CRYBG1: variants seen among roughly 807,000 people sequenced by gnomAD.
CRYBG1 encodes beta/gamma crystallin domain-containing protein 1.
In CRYBG1, 139 loss-of-function variants were observed where a neutral mutation model predicts 189.2. That is an observed-to-expected ratio of 0.73 (90% confidence interval 0.64 to 0.85). The LOEUF (loss-of-function observed/expected upper bound fraction) is 0.85, where lower values mean the gene tolerates loss of function less well. CRYBG1 is among the 40% of genes least tolerant of loss of function. CRYBG1 has a pLI of 0.00. For synonymous variants in CRYBG1, 1,023 were observed against 1,017.1 expected (o/e 1.01, Z -0.11); for missense variants, 2,611 against 2,675.8 (o/e 0.98, Z 0.53).
At chr6:106,544,762 G>T (rs749010542) in intron 12 of CRYBG1, 26 bp from the exon 13 acceptor site, 2 of 1,602,574 alleles carry the variant, frequency 1.2e-6, no homozygotes, top group Non-Finnish European at 1.7e-6. Flanking sequence ...GCTAGCCTTT[G>T]AATTTTGAAT....
chr6:106,554,224 A>G (rs911050417), intron 16 of CRYBG1, among the ~76,000 whole-genome samples: 1 of 152,224 alleles, frequency 6.6e-6, no homozygotes, highest in African/African-American at 2.4e-5. Context: ...TAATAGTAGT[A>G]ATAGTGCCTT....
chr6:106,436,435 A>C (rs1161896293), intron 1 of CRYBG1, among the ~76,000 whole-genome samples: 1 of 151,976 alleles, frequency 6.6e-6, no homozygotes, highest in African/African-American at 2.4e-5. Context: ...AGTTGCTGGG[A>C]CTACAGGCGC....
intron 1 of CRYBG1, among the ~76,000 whole-genome samples, chr6:106,387,518 C>T (rs1168448942): frequency 6.6e-6 from 1 of 152,134 alleles, no homozygotes; most frequent in Non-Finnish European, 1.5e-5. Context: ...CTTTTTTGCT[C>T]AACAGGTACT....
intron 8 of CRYBG1, among the ~76,000 whole-genome samples, chr6:106,538,128 G>A (rs956600011): frequency 6.6e-6 from 1 of 150,834 alleles, no homozygotes; most frequent in Non-Finnish European, 1.5e-5. Flanking sequence ...CCGAATTGAT[G>A]AGTGTAAGTG....
chr6:106,530,322 A>ATT lies in CRYBG1; in HGVS notation c.4718+15_4718+16dup, dbSNP rs746875283. 30 of 1,576,916 alleles carry ATT rather than the reference A, an allele frequency of 1.9e-5. No homozygotes were observed. In the African/African-American group the frequency reaches 3.7e-4, roughly 19 times the overall value. ...TGAAAGTACATTGGGGCACGTAAGT[A>ATT]TTTTTTTTTCAAACAAATTTTAATG... On this transcript the variant is annotated splice_region_variant and intron_variant, in intron 8 of 21. Coordinates refer to ENST00000633556, the MANE Select transcript of CRYBG1 (RefSeq NM_001371242.2).
rs143824359 is a variant in CRYBG1 at position 106,543,522 on chromosome 6, G to A, written c.4964G>A (p.Gly1655Asp). The A allele has an allele frequency of 4.2e-5, 68 of 1,614,100 alleles. No individual in the cohort carries two copies. The East Asian group carries it at 1.5e-3, about 35-fold the overall frequency. The change falls in exon 11 of 22, where the codon GGT (glycine) becomes GAT (aspartate). Residue 1655 changes from glycine (G) to aspartate (D), a missense_variant. Physicochemically the swap from Gly to Asp is moderately conservative, Grantham distance 94. This residue lies in a region of CRYBG1 where 1,622 missense variants were observed against 1,735.0 expected (regional missense o/e 0.93). Transcript: ENST00000633556. Reference protein sequence around the residue: ...TGMCSFVMEGGETEEATGDDH... With the variant: ...TGMCSFVMEGDETEEATGDDH... ...ATGTGTAGTTTTGTCATGGAGGGAG[G>A]TGAAACAGAAGAGGCGACTGGAGAC...
At chr6:106,378,717 C>T (rs1429606679) in intron 1 of CRYBG1, among the ~76,000 whole-genome samples, 1 of 152,202 alleles carries the variant, frequency 6.6e-6, no homozygotes, top group East Asian at 1.9e-4. Context: ...TCCACTGTAG[C>T]TCCACAAGTA....
At chr6:106,502,372 A>G (rs1773029749) in intron 2 of CRYBG1, among the ~76,000 whole-genome samples, 2 of 152,230 alleles carry the variant, frequency 1.3e-5, no homozygotes, top group Admixed American at 1.3e-4. Flanking sequence ...TGACTTCACA[A>G]GGAACACATT....
chr6:106,369,143 C>T (rs2114296419), intron 1 of CRYBG1, among the ~76,000 whole-genome samples: 1 of 152,282 alleles, frequency 6.6e-6, no homozygotes, highest in Non-Finnish European at 1.5e-5. Flanking sequence ...ACCAGGAGGC[C>T]CAAGGACATA....
chr6:106,384,157 G>A (rs890108792), intron 1 of CRYBG1, among the ~76,000 whole-genome samples: 5 of 152,100 alleles, frequency 3.3e-5, no homozygotes, highest in African/African-American at 1.2e-4. Context: ...ATGGAAAATA[G>A]CATGAGTTTA....
intron 1 of CRYBG1, 94 bp from the exon 2 acceptor site, chr6:106,451,600 T>C: frequency 8.3e-7 from 1 of 1,209,552 alleles, no homozygotes; most frequent in East Asian, 2.8e-5. Flanking sequence ...TGACTGGAAA[T>C]ATATTAATAC....
At position 106,512,235 on chromosome 6, in the gene CRYBG1, C is replaced by G; in HGVS notation, c.1118C>G (p.Ala373Gly). ...TARPKGHAHP[A>G]KVLTLDIYLS... ...CGCCCCAAGGGTCACGCCCACCCTG[C>G]TAAGGTGCTAACTTTGGACATCTAC... The change falls in exon 3 of 22, where the codon GCT becomes GGT. Residue 373 changes from alanine to glycine, a missense_variant. Physicochemically the swap from Ala to Gly is moderately conservative, Grantham distance 60. Around this residue, in one of 3 missense-constraint regions of CRYBG1, gnomAD observed 985 missense variants for 924.4 expected, o/e 1.07. Transcript: ENST00000633556. 3 of 1,540,150 alleles carry G rather than the reference C, an allele frequency of 1.9e-6. No individual in the cohort carries two copies. The East Asian group carries it at 7.3e-5, about 37-fold the overall frequency.
At position 106,360,769 on chromosome 6, in the gene CRYBG1, C is replaced by G. The variant is rs368545146; in HGVS notation, c.-140C>G. On this transcript the variant is annotated 5_prime_UTR_variant, in exon 1 of 22. Transcript: ENST00000633556. ...GGTTCTGCAACCCGCGGCCGTCCCC[C>G]CGCATCCGCGACGAGGGGGCGGGGT... The G allele has an allele frequency of 4.7e-5, 48 of 1,025,184 alleles. No homozygotes were observed. The highest frequency in any genetic ancestry group is 4.5e-4 in the Admixed American group (14 of 30,934). The allele number at this position is 1,025,184 out of a possible 1,614,324, so 63.5% of individuals were successfully genotyped here.
chr6:106,424,614 AC>A (rs1367311306), intron 1 of CRYBG1, among the ~76,000 whole-genome samples: 1 of 151,930 alleles, frequency 6.6e-6, no homozygotes, highest in East Asian at 1.9e-4. Context: ...GGCACCCACC[AC>A]CTTGCCCAGC....
At chr6:106,433,200 CTT>C (rs1771369936) in intron 1 of CRYBG1, among the ~76,000 whole-genome samples, 1 of 152,140 alleles carries the variant, frequency 6.6e-6, no homozygotes, top group African/African-American at 2.4e-5. Context: ...TAAAACAACT[CTT>C]ATTTTAAACC....
rs117237850 is a variant in CRYBG1, at chr6:106,561,345, C to A, written c.5983C>A (p.Arg1995=). The change falls in exon 20 of 22, where the codon CGA becomes AGA. Residue 1995 remains arginine, a synonymous_variant. Transcript: ENST00000633556. ...TGCTGGGGGTTTTGTCTTCTAGAAG[C>A]GAATTTATTTCAGACTTCGAAACAA... The part of the protein sequence containing the change: ...IGSLRPFVQK[R]IYFRLRNKAT... The A allele has an allele frequency of 1.7e-3, 2,790 of 1,613,490 alleles. 2 individuals are homozygous for A. The highest frequency in any genetic ancestry group is 2.1e-3 in the Middle Eastern group (13 of 6,056).
chr6:106,552,911 A>G (rs932189152), intron 15 of CRYBG1, among the ~76,000 whole-genome samples: 1 of 152,172 alleles, frequency 6.6e-6, no homozygotes, highest in Non-Finnish European at 1.5e-5. Flanking sequence ...GTCTCACTCA[A>G]GCTTTCTGAA....
intron 1 of CRYBG1, among the ~76,000 whole-genome samples, chr6:106,432,572 T>C (rs148386654): frequency 6.6e-6 from 1 of 152,312 alleles, no homozygotes; most frequent in Non-Finnish European, 1.5e-5. Context: ...GCTTGAACAA[T>C]TGAGAGTTAA....
At position 106,445,003 on chromosome 6, in the gene CRYBG1, A is replaced by G. The variant is rs538936763; in HGVS notation, c.174-6691A>G. ...AACAAAACAAACAAACAAACAGACA[A>G]ACAAAAACCATCAAAGTGCCCAGGA... On this transcript the variant is annotated intron_variant, in intron 1 of 21. Transcript: ENST00000633556. Among the ~76,000 whole-genome samples, 79 of 146,510 alleles carry G rather than the reference A, an allele frequency of 5.4e-4. No homozygotes were observed. The South Asian group carries it at 0.016, about 30-fold the overall frequency.
Sources: allele counts gnomAD v4.1 joint callset (sites outside exome capture counted in the v4.1 genomes callset), GRCh38; gene constraint gnomAD v4.1.1; regional missense constraint gnomAD v4.1.1; transcripts MANE v1.5; gene names NCBI Gene and HGNC (gene_info 2026-07-23, HGNC 2026-07-21).